The following ABLIM2 variants were observed in gnomAD, a reference collection of about 807,000 sequenced individuals.
The protein encoded by ABLIM2 is actin binding LIM protein family member 2, also known as actin-binding LIM protein 2.
Under a neutral mutation model 97.7 loss-of-function variants are expected in ABLIM2, and 53 were observed. The ratio of observed to expected loss-of-function variants is 0.54; its 90% CI spans 0.44 to 0.68. The LOEUF (loss-of-function observed/expected upper bound fraction) is 0.68, where lower values mean the gene tolerates loss of function less well. ABLIM2 is among the 30% of genes least tolerant of loss of function. The pLI is 0.00. For missense variants in ABLIM2, 835 were observed against 867.2 expected, an observed-to-expected ratio of 0.96 and a Z score of 0.47; for synonymous variants, 361 against 345.8, an observed-to-expected ratio of 1.04 and a Z score of -0.49.
chr4:8,147,302 G>A lies in ABLIM2; in HGVS notation c.10+11378C>T, dbSNP rs1329690689. On this transcript the variant is annotated intron_variant, in intron 1 of 20. Transcript: ENST00000447017. The surrounding 1 kb of genome is among the most constrained non-coding windows in gnomAD (Gnocchi z 5.3). ...CATTCTCACTCTCTCATCCATCCTA[G>A]AGACTCCACAGGGAGAAGAAAAGGT... Among the ~76,000 whole-genome samples the A allele has an allele frequency of 2.0e-5, 3 of 152,050 alleles. No individual in the cohort carries two copies. The highest frequency in any genetic ancestry group is 4.4e-5 in the Non-Finnish European group (3 of 68,028).
intron 14 of ABLIM2, among the ~76,000 whole-genome samples, chr4:8,013,349 C>T (rs553270675): frequency 1.3e-3 from 195 of 151,492 alleles, no homozygotes; most frequent in African/African-American, 2.0e-3. Flanking sequence ...CAGCCTCCCG[C>T]GTAGCTGGGA....
At chr4:8,144,693 C>A (rs1281876398) in intron 1 of ABLIM2, among the ~76,000 whole-genome samples, 1 of 152,194 alleles carries the variant, frequency 6.6e-6, no homozygotes, top group African/African-American at 2.4e-5. Context: ...TGGGGAGTCA[C>A]AGCTCCCCAC....
intron 10 of ABLIM2, among the ~76,000 whole-genome samples, chr4:8,031,211 A>G (rs1397508841): frequency 2.0e-5 from 3 of 152,214 alleles, no homozygotes; most frequent in African/African-American, 7.2e-5. Flanking sequence ...CAGGCTGTGC[A>G]TGGCTGTGCA....
Position 8,112,691 on chromosome 4 carries a change from G to A in ABLIM2, c.11-6054C>T, listed in dbSNP as rs761954464. Among the ~76,000 whole-genome samples the A allele has an allele frequency of 6.6e-6, 1 of 152,158 alleles. No homozygotes were observed. The highest frequency in any genetic ancestry group is 2.1e-4 in the South Asian group (1 of 4,824). On this transcript the variant is annotated intron_variant, in intron 1 of 20. Coordinates refer to ENST00000447017, the MANE Select transcript of ABLIM2 (RefSeq NM_001130083.2). This position sits in a 1 kb window ranked among gnomAD's most constrained non-coding sequence, Gnocchi z 4.2. ...ACACCACAGTGAACACAACAGCCAC[G>A]GTCCCAGCCCTCGACATTCTCTTGT...
chr4:8,088,063 C>G, intron 4 of ABLIM2, 106 bp downstream of exon 4: 1 of 614,476 alleles, frequency 1.6e-6, no homozygotes, highest in Non-Finnish European at 2.4e-6. Flanking sequence ...GCACCTCCCA[C>G]TCAGTACGCC....
At chr4:8,081,132 C>A (rs565864743) in intron 4 of ABLIM2, among the ~76,000 whole-genome samples, 2 of 152,180 alleles carry the variant, frequency 1.3e-5, no homozygotes, top group East Asian at 3.9e-4. Context: ...CCAGGTTGAA[C>A]CCAACTGTGA....
chr4:8,110,748 C>T (rs188258583), intron 1 of ABLIM2, among the ~76,000 whole-genome samples: 17 of 152,278 alleles, frequency 1.1e-4, no homozygotes, highest in Non-Finnish European at 1.8e-4. Context: ...GGGCCGCCTC[C>T]GAGGCGTCCG....
rs964793718 is a variant in ABLIM2, at chr4:8,083,137, C to T, written c.455-2335G>A. Among the ~76,000 whole-genome samples, 37 of 152,254 alleles carry T rather than the reference C, an allele frequency of 2.4e-4. No individual in the cohort carries two copies. The highest frequency in any genetic ancestry group is 8.7e-4 in the African/African-American group (36 of 41,544). ...TGAATGGTGCTGGAGCTGAGATCCC[C>T]GGCTCCAAGCCTCTGTTGGCTTCTC... On this transcript the variant is annotated intron_variant, in intron 4 of 20. Coordinates refer to ENST00000447017, the MANE Select transcript of ABLIM2 (RefSeq NM_001130083.2). This position sits in a 1 kb window ranked among gnomAD's most constrained non-coding sequence, Gnocchi z 4.6.
At chr4:8,144,318 GAGAC>G (rs1412364069) in intron 1 of ABLIM2, among the ~76,000 whole-genome samples, 1 of 152,236 alleles carries the variant, frequency 6.6e-6, no homozygotes, top group African/African-American at 2.4e-5. Context: ...AGAAGAGAGA[GAGAC>G]AGTTTCTAAG....
rs968469565 is a variant in ABLIM2 at position 8,128,867 on chromosome 4, G to C, written c.11-22230C>G. Reference sequence around the variant, plus strand: ...GGGTGCGAGGAAAAGGCGGCTGTCTGCAGCTCAGAAGAGGGCCCACCCAGA... The same window carrying C: ...GGGTGCGAGGAAAAGGCGGCTGTCTCCAGCTCAGAAGAGGGCCCACCCAGA... On this transcript the variant is annotated intron_variant, in intron 1 of 20. Coordinates refer to ENST00000447017, the MANE Select transcript of ABLIM2 (RefSeq NM_001130083.2). This position sits in a 1 kb window ranked among gnomAD's most constrained non-coding sequence, Gnocchi z 4.9. Among the ~76,000 whole-genome samples the C allele has an allele frequency of 2.6e-5, 4 of 152,224 alleles. No homozygotes were observed. Among genetic ancestry groups the C allele is most frequent in the African/African-American group, 9.6e-5 (4 of 41,466 alleles).
At chr4:7,995,499 G>C (rs575936755) in intron 16 of ABLIM2, among the ~76,000 whole-genome samples, 7 of 152,214 alleles carry the variant, frequency 4.6e-5, no homozygotes, top group Non-Finnish European at 8.8e-5. Flanking sequence ...AGCAAAAGAT[G>C]CTTCTCCGGG....
chr4:7,993,448 C>A (rs530275261), intron 16 of ABLIM2, among the ~76,000 whole-genome samples: 9 of 152,300 alleles, frequency 5.9e-5, no homozygotes, highest in Non-Finnish European at 1.2e-4. Context: ...CTTTGGGAGG[C>A]CAAGGTGGGA....
At chr4:8,139,235 A>AGGGAG (rs55864387) in intron 1 of ABLIM2, among the ~76,000 whole-genome samples, 11,272 of 135,254 alleles carry the variant, frequency 0.083, 554 homozygotes, top group South Asian at 0.11. Context: ...GGAAAAGGGA[A>AGGGAG]GGGAGGGGAG....
chr4:8,040,168 C>T (rs572566981), intron 9 of ABLIM2, among the ~76,000 whole-genome samples: 20 of 152,244 alleles, frequency 1.3e-4, no homozygotes, highest in African/African-American at 4.6e-4. Flanking sequence ...TGACAACCAC[C>T]CACAGCAGGC....
At chr4:7,967,271 A>G (rs1723638156) in intron 20 of ABLIM2, among the ~76,000 whole-genome samples, 168 bp from the exon 21 acceptor site, 1 of 152,138 alleles carries the variant, frequency 6.6e-6, no homozygotes, top group African/African-American at 2.4e-5. Flanking sequence ...TCTGCAGTGA[A>G]AGAACTGAGC....
At chr4:8,045,282 C>T (rs1275139041) in intron 8 of ABLIM2, 41 bp from the exon 9 acceptor site, 24 of 1,552,234 alleles carry the variant, frequency 1.5e-5, no homozygotes, top group Non-Finnish European at 2.1e-5. Context: ...CAGGTACCAA[C>T]ATTCGGGGCC....
rs71175445 is a variant in ABLIM2 at position 7,989,072 on chromosome 4, CTTTTTTTTTTTT to C, written c.1680+3782_1680+3793del. On this transcript the variant is annotated intron_variant, in intron 17 of 20. Coordinates refer to ENST00000447017, the MANE Select transcript of ABLIM2 (RefSeq NM_001130083.2). ...TTTTTTGTTCACTAGACACATTAGT[CTTTTTTTTTTTT>C]TTTTTTTTTTTGAGACAGAGTTTTG... is the stretch of plus-strand genomic sequence containing the variant. Among the ~76,000 whole-genome samples the C allele has an allele frequency of 8.6e-5, 7 of 81,358 alleles. No individual in the cohort carries two copies. In the East Asian group the frequency reaches 2.8e-3, roughly 33 times the overall value. 53.4% of individuals were successfully genotyped at this position (81,358 alleles called of 152,430 possible).
In ABLIM2 at chr4:8,085,475, GGGTC is replaced by G. The variant is rs1822860814; in HGVS notation, c.454+2690_454+2693del. On this transcript the variant is annotated intron_variant, in intron 4 of 20. Coordinates refer to ENST00000447017, the MANE Select transcript of ABLIM2 (RefSeq NM_001130083.2). This position sits in a 1 kb window ranked among gnomAD's most constrained non-coding sequence, Gnocchi z 6.1. ...ACGCTGCAGCCCCGTCCACTCACAC[GGGTC>G]TGGGGGTGCCCACGCTGCAGTCCCG... Among the ~76,000 whole-genome samples, 2 of 151,604 alleles carry G rather than the reference GGGTC, an allele frequency of 1.3e-5. No homozygotes were observed. The highest frequency in any genetic ancestry group is 4.8e-5 in the African/African-American group (2 of 41,324).
rs1343336490 is a variant in ABLIM2 at position 8,158,783 on chromosome 4, C to G, written c.-94G>C. 3.5e-6 allele frequency: 4 copies of G among 1,146,368 alleles called. No homozygotes were observed. In the East Asian group the frequency reaches 1.4e-4, roughly 40 times the overall value. The allele number at this position is 1,146,368 out of a possible 1,614,324, so 71.0% of individuals were successfully genotyped here. ...GCGCCCGCGCTATCCTCCGCCCGCC[C>G]GCCGGCTCCGCGCCCGCTCCTTGCG... On this transcript the variant is annotated 5_prime_UTR_variant, in exon 1 of 21. Coordinates refer to ENST00000447017, the MANE Select transcript of ABLIM2 (RefSeq NM_001130083.2).
Sources: allele counts gnomAD v4.1 joint callset (sites outside exome capture counted in the v4.1 genomes callset), GRCh38; gene constraint gnomAD v4.1.1; non-coding constraint Gnocchi (gnomAD v3.1); transcripts MANE v1.5; gene names NCBI Gene and HGNC (gene_info 2026-07-23, HGNC 2026-07-21).